ECSIT: variants seen among roughly 807,000 people sequenced by gnomAD.
ECSIT encodes evolutionarily conserved signaling intermediate in Toll pathway, mitochondrial.
ECSIT carries 29 observed loss-of-function variants against 36.8 expected under a neutral mutation model. The ratio of observed to expected loss-of-function variants is 0.79; its 90% confidence interval spans 0.59 to 1.08. ECSIT has a LOEUF of 1.08. Among genes scored for constraint, ECSIT ranks in the 50% least tolerant of loss-of-function variants. The pLI, the probability that ECSIT is intolerant of heterozygous loss-of-function variation, is 0.00. For synonymous variants in ECSIT, 231 were observed against 234.8 expected (o/e 0.98, Z 0.15); for missense variants, 542 against 581.0 (o/e 0.93, Z 0.69).
At position 11,519,116 on chromosome 19, in the gene ECSIT, C is replaced by T. The variant is rs1599586511; in HGVS notation, c.55G>A (p.Gly19Ser). Residue 19 changes from glycine (G) to serine (S), a missense_variant, in exon 2 of 8, where the codon GGC (glycine) becomes AGC (serine). Gly to Ser is a moderately conservative substitution (Grantham distance 56). Coordinates refer to ENST00000270517, the MANE Select transcript of ECSIT (RefSeq NM_016581.5). The surrounding 1 kb of genome is among the most constrained non-coding windows in gnomAD (Gnocchi z 4.4). ...LARGLCRAWGGTCGAALTGTS... is the reference protein window; with the variant it reads ...LARGLCRAWGSTCGAALTGTS... ...CCTGTGAGGGCGGCCCCGCAGGTGC[C>T]TCCCCAGGCCCTACAGAGGCCTCGG... is the stretch of plus-strand genomic sequence containing the variant. The T allele has an allele frequency of 1.3e-6, 2 of 1,551,050 alleles. No homozygotes were observed. Among genetic ancestry groups the T allele is most frequent in the East Asian group, 4.9e-5 (2 of 40,896 alleles).
chr19:11,512,340 G>C (rs1971887814), intron 4 of ECSIT, among the ~76,000 whole-genome samples: 1 of 151,862 alleles, frequency 6.6e-6, no homozygotes, highest in Non-Finnish European at 1.5e-5. Flanking sequence ...GCCAGACCTT[G>C]TCTCAAAAAA....
Position 11,506,209 on chromosome 19 carries a change from T to G in ECSIT, c.1271A>C (p.Gln424Pro), listed in dbSNP as rs1218882021. 3 of 1,607,080 alleles carry G rather than the reference T, an allele frequency of 1.9e-6. No individual in the cohort carries two copies. The Admixed American group carries it at 5.0e-5, about 27-fold the overall frequency. ...CTAGCTCTGGCCCTGCTGCTGTCGCTGCAGGTTGTCGTCTTCTTCCTGGTG... is the reference window on the plus strand; with the variant it reads ...CTAGCTCTGGCCCTGCTGCTGTCGCGGCAGGTTGTCGTCTTCTTCCTGGTG... The part of the protein sequence containing the change: ...EDHQEEDDNL[Q>P]RQQQGQS The change falls in exon 8 of 8, where the codon CAG becomes CCG. Residue 424 changes from glutamine (Q) to proline (P), a missense_variant. Physicochemically the swap from Gln to Pro is moderately conservative, Grantham distance 76. Coordinates refer to ENST00000270517, the MANE Select transcript of ECSIT (RefSeq NM_016581.5).
chr19:11,522,604 C>G (rs547242272), intron 1 of ECSIT: 1 of 566,306 alleles, frequency 1.8e-6, no homozygotes, highest in African/African-American at 1.9e-5. Context: ...ATCCCAGCTA[C>G]TCAGGAGGCT....
intron 2 of ECSIT, 75 bp from the exon 3 acceptor site, chr19:11,514,296 T>G: frequency 1.4e-6 from 2 of 1,410,574 alleles, no homozygotes; most frequent in Non-Finnish European, 1.9e-6. Flanking sequence ...GGCTCTTTCC[T>G]CAGAGAGGTC....
chr19:11,523,861 A>G (rs1176882674), intron 1 of ECSIT: 1 of 526,158 alleles, frequency 1.9e-6, no homozygotes, highest in East Asian at 4.3e-5. Flanking sequence ...ACATAAAAAA[A>G]TAAGTTAATT....
rs1971937344 is a variant in ECSIT, at chr19:11,514,145, G to A, written c.173C>T (p.Pro58Leu). The change falls in exon 3 of 8, where the codon CCA (proline) becomes CTA (leucine). Residue 58 changes from proline (P) to leucine (L), a missense_variant. Pro to Leu is a moderately conservative substitution (Grantham distance 98). Transcript: ENST00000270517. ...GGTGGGCCTCTGCCGGGGTTCCGGT[G>A]GGCTGGGAACCAGGGACTGTTCAGA... ...HSSEQSLVPSPPEPRQRPTKA... is the reference protein window; with the variant it reads ...HSSEQSLVPSLPEPRQRPTKA... 1 of 1,613,716 alleles carries A rather than the reference G, an allele frequency of 6.2e-7. No individual in the cohort carries two copies. Among genetic ancestry groups the A allele is most frequent in the South Asian group, 1.1e-5 (1 of 91,066 alleles).
chr19:11,508,891 G>A (rs1971813519), intron 4 of ECSIT, among the ~76,000 whole-genome samples: 1 of 152,088 alleles, frequency 6.6e-6, no homozygotes, highest in African/African-American at 2.4e-5. Context: ...CAAATAATAA[G>A]TGCTCAGTGC....
At position 11,519,239 on chromosome 19, in the gene ECSIT, C is replaced by CTA; in HGVS notation, c.-23-48_-23-47dup. On this transcript the variant is annotated intron_variant, in intron 1 of 7. Coordinates refer to ENST00000270517, the MANE Select transcript of ECSIT (RefSeq NM_016581.5). This position sits in a 1 kb window ranked among gnomAD's most constrained non-coding sequence, Gnocchi z 4.4. Reference sequence around the variant, plus strand: ...GCATTAGCCTGGCACCTTACAGATGCTAACAGACGCAAGGGCCCCGCAGGG... The same window carrying CTA: ...GCATTAGCCTGGCACCTTACAGATGCTATAACAGACGCAAGGGCCCCGCAGGG... 14 of 1,352,750 alleles carry CTA rather than the reference C, an allele frequency of 1.0e-5. No homozygotes were observed. In the South Asian group the frequency reaches 1.6e-4, roughly 16 times the overall value. The allele number at this position is 1,352,750 out of a possible 1,614,324, so 83.8% of individuals were successfully genotyped here.
chr19:11,506,248 G>T lies in ECSIT; in HGVS notation c.1232C>A (p.Pro411His). 6.2e-7 allele frequency: 1 copy of T among 1,610,472 alleles called. No homozygotes were observed. The highest frequency in any genetic ancestry group is 8.5e-7 in the Non-Finnish European group (1 of 1,179,872). ...TTCTTCCTGGTGGTCCTCGGGCAGGGGCGGCTCCTCCAGCCCTGCAGAGGA... is the reference window on the plus strand; with the variant it reads ...TTCTTCCTGGTGGTCCTCGGGCAGGTGCGGCTCCTCCAGCCCTGCAGAGGA... ...QTSSAGLEEP[P>H]LPEDHQEEDD... The change falls in exon 8 of 8, where the codon CCC (proline) becomes CAC (histidine). Residue 411 changes from proline (P) to histidine (H), a missense_variant. Transcript: ENST00000270517.
In ECSIT at chr19:11,517,336, C is replaced by T. The variant is rs560699960; in HGVS notation, c.96+1739G>A. On this transcript the variant is annotated intron_variant, in intron 2 of 7. Coordinates refer to ENST00000270517, the MANE Select transcript of ECSIT (RefSeq NM_016581.5). ...AAATTTCAGGTTGGGCGCAGTGGCT[C>T]GTGCCTGTAATCCCAGCACTTTTGA... 1.4e-3 allele frequency among the ~76,000 whole-genome samples: 215 copies of T among 151,664 alleles called. 2 individuals carry two copies. Among genetic ancestry groups the T allele is most frequent in the African/African-American group, 4.8e-3 (198 of 41,318 alleles).
chr19:11,518,125 TA>T (rs879302971), intron 2 of ECSIT, among the ~76,000 whole-genome samples: 408 of 136,566 alleles, frequency 3.0e-3, no homozygotes, highest in Non-Finnish European at 3.8e-3. Context: ...ACCATATACT[TA>T]AAAAAAAAAA....
intron 1 of ECSIT, chr19:11,522,006 G>A: frequency 1.2e-5 from 3 of 255,902 alleles, no homozygotes; most frequent in South Asian, 4.3e-5. Context: ...ACAAGGTGGT[G>A]GGTTGCTGCC....
chr19:11,514,203 G>T lies in ECSIT; in HGVS notation c.115C>A (p.Arg39=). Residue 39 remains arginine (R), a synonymous_variant, in exon 3 of 8, where the codon CGG becomes AGG. Transcript: ENST00000270517. ...GCAGCTGCGCTGCAGTGGAGGCCCC[G>T]AGGGAGCCGGCGAGGGACCTGGGGA... ...SISQVPRRLP[R]GLHCSAAAHS... The T allele has an allele frequency of 6.2e-7, 1 of 1,605,568 alleles. No individual in the cohort carries two copies.
chr19:11,518,946 G>A (rs186482285), intron 2 of ECSIT, 129 bp downstream of exon 2: 1 of 754,246 alleles, frequency 1.3e-6, no homozygotes, highest in African/African-American at 1.7e-5. Context: ...GACTTTTAAT[G>A]GGACCTCGGC....
chr19:11,508,621 C>T (rs570064142), intron 4 of ECSIT, among the ~76,000 whole-genome samples: 4 of 152,158 alleles, frequency 2.6e-5, no homozygotes, highest in South Asian at 2.1e-4. Context: ...GGCATGATCT[C>T]GGCTCACTAT....
chr19:11,508,046 A>G lies in ECSIT; in HGVS notation c.741T>C (p.Val247=), dbSNP rs1262985766. The G allele has an allele frequency of 3.7e-6, 6 of 1,614,134 alleles. No homozygotes were observed. In the South Asian group the frequency reaches 6.6e-5, roughly 18 times the overall value. ...CACCTGTTGAGTCTTTGGGCAAAGG[A>G]ACCTGCAAGGGAGAGTAGGGATATA... ...DLSARVTIYQ[V]PLPKDSTGAA... The change falls in exon 5 of 8, where the codon GTT becomes GTC. Residue 247 remains valine, a splice_region_variant and synonymous_variant. Coordinates refer to ENST00000270517, the MANE Select transcript of ECSIT (RefSeq NM_016581.5).
In ECSIT at chr19:11,513,160, G is replaced by T; in HGVS notation, c.634C>A (p.Pro212Thr). The T allele has an allele frequency of 6.2e-7, 1 of 1,614,186 alleles. No homozygotes were observed. Among genetic ancestry groups the T allele is most frequent in the South Asian group, 1.1e-5 (1 of 91,082 alleles). ...LWFPRFMNVN[P>T]FPVPRDLPQD... ...GGCAGGTCCCGGGGCACTGGGAAGG[G>T]GTTGACGTTCATGAATCGAGGGAAC... is the stretch of plus-strand genomic sequence containing the variant. The change falls in exon 4 of 8, where the codon CCC becomes ACC. Residue 212 changes from proline to threonine, a missense_variant. Coordinates refer to ENST00000270517, the MANE Select transcript of ECSIT (RefSeq NM_016581.5).
At chr19:11,523,681 A>G in intron 1 of ECSIT, 1 of 729,626 alleles carries the variant, frequency 1.4e-6, no homozygotes, top group Non-Finnish European at 2.5e-6. Context: ...TGATGACAAC[A>G]AGAAACTAGG....
intron 1 of ECSIT, chr19:11,522,617 G>A (rs1191145196): frequency 1.8e-6 from 1 of 546,482 alleles, no homozygotes; most frequent in Non-Finnish European, 3.3e-6. Flanking sequence ...AGGAGGCTGA[G>A]GTGGGAGAAT....
Sources: allele counts gnomAD v4.1 joint callset (sites outside exome capture counted in the v4.1 genomes callset), GRCh38; gene constraint gnomAD v4.1.1; non-coding constraint Gnocchi (gnomAD v3.1); transcripts MANE v1.5; gene names NCBI Gene and HGNC (gene_info 2026-07-23, HGNC 2026-07-21).